The following ROBO2 variants were observed in gnomAD, a reference collection of about 807,000 sequenced individuals.
The protein encoded by ROBO2 is roundabout guidance receptor 2, also known as roundabout homolog 2.
Under a neutral mutation model 160.8 loss-of-function variants are expected in ROBO2, and 53 were observed. The ratio of observed to expected loss-of-function variants is 0.33; its 90% CI spans 0.26 to 0.41. The LOEUF (loss-of-function observed/expected upper bound fraction) is 0.41, where lower values mean the gene tolerates loss of function less well. Among genes scored for constraint, ROBO2 ranks in the 10% least tolerant of loss-of-function variants. The pLI, the probability that ROBO2 is intolerant of heterozygous loss-of-function variation, is 1.00. For synonymous variants in ROBO2, 664 were observed against 611.7 expected, an observed-to-expected ratio of 1.09 and a Z score of -1.26; for missense variants, 1,577 against 1,722.4, an observed-to-expected ratio of 0.92 and a Z score of 1.49.
intron 2 of ROBO2, among the ~76,000 whole-genome samples, chr3:76,886,260 A>T (rs1180512456): frequency 6.7e-6 from 1 of 148,732 alleles, no homozygotes; most frequent in Non-Finnish European, 1.5e-5. Context: ...TTCCAAAAAA[A>T]TATATATATA....
intron 2 of ROBO2, among the ~76,000 whole-genome samples, chr3:76,382,298 A>G (rs1179076182): frequency 6.6e-6 from 1 of 152,136 alleles, no homozygotes; most frequent in Non-Finnish European, 1.5e-5. Flanking sequence ...TTATTGGTTA[A>G]AGCTTCTTGG....
At chr3:76,615,529 G>C (rs1314469683) in intron 2 of ROBO2, among the ~76,000 whole-genome samples, 6 of 152,110 alleles carry the variant, frequency 3.9e-5, no homozygotes. Flanking sequence ...AGAAACACAA[G>C]TGATAATATT....
intron 3 of ROBO2, among the ~76,000 whole-genome samples, chr3:77,477,792 G>C (rs1333703353): frequency 6.8e-6 from 1 of 148,074 alleles, no homozygotes. Flanking sequence ...GCACCAATCT[G>C]AGTTATATCT....
chr3:77,584,199 C>T (rs533238546), intron 16 of ROBO2, among the ~76,000 whole-genome samples: 1 of 152,208 alleles, frequency 6.6e-6, no homozygotes, highest in South Asian at 2.1e-4. Context: ...CTGAACTCCA[C>T]CCTGAGACAC....
chr3:76,070,044 G>A (rs1435969419), intron 2 of ROBO2, among the ~76,000 whole-genome samples: 12 of 152,142 alleles, frequency 7.9e-5, no homozygotes, highest in Non-Finnish European at 1.5e-5. Context: ...TGAGGAGGAT[G>A]TATGTCGCCT....
chr3:77,171,004 T>C (rs9832870), intron 2 of ROBO2, among the ~76,000 whole-genome samples: 111,814 of 151,924 alleles, frequency 0.74, 41,474 homozygotes, highest in East Asian at 0.99. Context: ...GGCTTCTGCC[T>C]TTAATGGAAG....
chr3:76,351,958 A>G (rs2074903039), intron 2 of ROBO2, among the ~76,000 whole-genome samples: 1 of 152,050 alleles, frequency 6.6e-6, no homozygotes, highest in South Asian at 2.1e-4. Context: ...TAATAACTTT[A>G]CAATGTCATA....
chr3:77,519,028 T>TG (rs2090321529), intron 5 of ROBO2, among the ~76,000 whole-genome samples: 1 of 151,550 alleles, frequency 6.6e-6, no homozygotes, highest in Admixed American at 6.6e-5. Context: ...AAAATAGATT[T>TG]GCTGTTTTAT....
chr3:76,144,751 A>G (rs936983505), intron 2 of ROBO2, among the ~76,000 whole-genome samples: 7 of 151,990 alleles, frequency 4.6e-5, no homozygotes. Flanking sequence ...TGGAATATGG[A>G]TGAACTTCAG....
At chr3:76,193,583 A>G (rs992798906) in intron 2 of ROBO2, among the ~76,000 whole-genome samples, 4 of 152,202 alleles carry the variant, frequency 2.6e-5, no homozygotes, top group African/African-American at 9.6e-5. Context: ...TTGATTATCT[A>G]TGTTGCAAGT....
intron 2 of ROBO2, among the ~76,000 whole-genome samples, chr3:76,813,488 T>C (rs915749797): frequency 1.3e-5 from 2 of 152,164 alleles, no homozygotes; most frequent in African/African-American, 4.8e-5. Flanking sequence ...CATTAAAATA[T>C]GCTGCCTTTT....
intron 5 of ROBO2, among the ~76,000 whole-genome samples, chr3:77,496,736 GC>G (rs2086837210): frequency 6.6e-6 from 1 of 152,096 alleles, no homozygotes; most frequent in Admixed American, 6.5e-5. Context: ...GACAAGAAAA[GC>G]TTTTCAATTC....
intron 2 of ROBO2, among the ~76,000 whole-genome samples, chr3:77,008,288 T>C (rs1199674831): frequency 6.6e-6 from 1 of 152,146 alleles, no homozygotes; most frequent in Non-Finnish European, 1.5e-5. Flanking sequence ...GACTATATTA[T>C]AGGAAAGAGA....
intron 2 of ROBO2, among the ~76,000 whole-genome samples, chr3:77,164,614 A>G (rs1362013554): frequency 9.4e-5 from 9 of 96,004 alleles, no homozygotes; most frequent in South Asian, 4.1e-4. Flanking sequence ...CCTACTGGGA[A>G]GTGAGGAGCC....
At chr3:77,176,305 A>C (rs1468544294) in intron 2 of ROBO2, among the ~76,000 whole-genome samples, 1 of 152,074 alleles carries the variant, frequency 6.6e-6, no homozygotes, top group East Asian at 1.9e-4. Context: ...ATAAATGTAC[A>C]GTAACTACTT....
chr3:76,401,567 C>T (rs1007368428), intron 2 of ROBO2, among the ~76,000 whole-genome samples: 8 of 151,430 alleles, frequency 5.3e-5, no homozygotes, highest in Admixed American at 3.3e-4. Context: ...ACAACAATAA[C>T]GGAACCAGTA....
intron 2 of ROBO2, among the ~76,000 whole-genome samples, chr3:76,246,895 T>C (rs745783091): frequency 2.0e-5 from 3 of 152,160 alleles, no homozygotes; most frequent in Non-Finnish European, 2.9e-5. Flanking sequence ...ACTTTGGAAT[T>C]AGGAACACAG....
At chr3:76,755,215 A>G (rs958104660) in intron 2 of ROBO2, among the ~76,000 whole-genome samples, 2 of 151,886 alleles carry the variant, frequency 1.3e-5, no homozygotes, top group Non-Finnish European at 1.5e-5. Flanking sequence ...TCCAGTGTAT[A>G]TTCTCTCATT....
intron 2 of ROBO2, among the ~76,000 whole-genome samples, chr3:77,416,196 C>T (rs2077206239): frequency 6.6e-6 from 1 of 152,104 alleles, no homozygotes; most frequent in South Asian, 2.1e-4. Context: ...GTGGGTATCC[C>T]AATGTGTGCC....
Sources: allele counts gnomAD v4.1 joint callset (sites outside exome capture counted in the v4.1 genomes callset), GRCh38; gene constraint gnomAD v4.1.1; transcripts MANE v1.5; gene names NCBI Gene and HGNC (gene_info 2026-07-23, HGNC 2026-07-21).